Variants in RNLS observed in about 807,000 individuals in gnomAD.
RNLS encodes the protein renalase, FAD dependent amine oxidase, also known as renalase.
A neutral mutation model predicts 39.8 loss-of-function variants in RNLS; 39 were observed. That is an observed-to-expected ratio of 0.98 (90% CI 0.76 to 1.28). The LOEUF is 1.28. RNLS is among the 50% of genes most tolerant of loss of function. The probability of loss-of-function intolerance (pLI) is 0.00; values close to 1 mark genes in which losing one functional copy is unlikely to be tolerated. For missense variants in RNLS, 410 were observed against 413.3 expected, an observed-to-expected ratio of 0.99 and a Z score of 0.07; for synonymous variants, 147 against 150.7, an observed-to-expected ratio of 0.98 and a Z score of 0.18.
intron 5 of RNLS, among the ~76,000 whole-genome samples, chr10:88,329,424 G>GT (rs1333387879): frequency 2.6e-5 from 4 of 151,760 alleles, no homozygotes; most frequent in Admixed American, 6.6e-5. Context: ...TGCTTTTATG[G>GT]TTTTTTCTTT....
chr10:88,184,567 A>G, the RNLS span, among the ~76,000 whole-genome samples: 9 of 152,194 alleles, frequency 5.9e-5, no homozygotes, highest in African/African-American at 2.2e-4. Flanking sequence ...TTAGCCCTCA[A>G]GTTTGCCTAC....
At chr10:88,297,114 G>T (rs1026534220) in intron 6 of RNLS, among the ~76,000 whole-genome samples, 7 of 152,134 alleles carry the variant, frequency 4.6e-5, no homozygotes, top group African/African-American at 1.4e-4. Flanking sequence ...TTGGTTATAG[G>T]TTTTTGTGAG....
intron 6 of RNLS, among the ~76,000 whole-genome samples, chr10:88,276,504 A>G (rs1842820641): frequency 6.6e-6 from 1 of 152,152 alleles, no homozygotes; most frequent in Admixed American, 6.6e-5. Flanking sequence ...AAAACTAAAT[A>G]CCTTGCTAAT....
At chr10:88,566,044 G>A (rs1465814992) in intron 4 of RNLS, among the ~76,000 whole-genome samples, 1 of 151,692 alleles carries the variant, frequency 6.6e-6, no homozygotes, top group East Asian at 1.9e-4. Context: ...ACCGCGCCCG[G>A]CCAATATCAT....
At chr10:88,237,693 G>A in the RNLS span, among the ~76,000 whole-genome samples, 1 of 152,188 alleles carries the variant, frequency 6.6e-6, no homozygotes, top group African/African-American at 2.4e-5. Flanking sequence ...AAGCTTGGCT[G>A]CTATATGGCA....
At chr10:88,177,495 T>C in the RNLS span, among the ~76,000 whole-genome samples, 6 of 152,214 alleles carry the variant, frequency 3.9e-5, no homozygotes, top group Non-Finnish European at 8.8e-5. Context: ...TTTTCCTGAT[T>C]GGGTTGAACT....
At chr10:88,433,391 T>C (rs1027623118) in intron 4 of RNLS, among the ~76,000 whole-genome samples, 2 of 152,082 alleles carry the variant, frequency 1.3e-5, no homozygotes, top group Non-Finnish European at 2.9e-5. Context: ...GGTTTCATCA[T>C]TTGATCACTT....
the RNLS span, among the ~76,000 whole-genome samples, chr10:88,175,337 A>G: frequency 8.7e-4 from 133 of 152,012 alleles, no homozygotes; most frequent in African/African-American, 3.0e-3. Context: ...GTGCACTGTT[A>G]GGTTGTTTAT....
chr10:88,344,907 T>C (rs535176869), intron 5 of RNLS, among the ~76,000 whole-genome samples: 1 of 152,290 alleles, frequency 6.6e-6, no homozygotes, highest in African/African-American at 2.4e-5. Context: ...TGCTTAATAT[T>C]CATTCATATT....
At chr10:88,389,817 G>C (rs1055316812) in intron 4 of RNLS, among the ~76,000 whole-genome samples, 2 of 152,146 alleles carry the variant, frequency 1.3e-5, no homozygotes, top group Non-Finnish European at 2.9e-5. Context: ...ACAGATTCAG[G>C]GATAGGGCAT....
chr10:88,496,298 A>G (rs1845170294), intron 4 of RNLS, among the ~76,000 whole-genome samples: 1 of 152,172 alleles, frequency 6.6e-6, no homozygotes, highest in Non-Finnish European at 1.5e-5. Context: ...GGGTTCCCTC[A>G]GGGGATTATA....
At chr10:88,484,192 G>T (rs1243309228) in intron 4 of RNLS, among the ~76,000 whole-genome samples, 1 of 151,998 alleles carries the variant, frequency 6.6e-6, no homozygotes, top group African/African-American at 2.4e-5. Context: ...TTTAGTAATA[G>T]CTTATTTTAA....
chr10:88,217,873 CT>C, the RNLS span, among the ~76,000 whole-genome samples: 1 of 151,858 alleles, frequency 6.6e-6, no homozygotes, highest in Non-Finnish European at 1.5e-5. Context: ...AAACCCATCT[CT>C]ACTAAAAATA....
intron 4 of RNLS, among the ~76,000 whole-genome samples, chr10:88,428,661 G>A (rs558204174): frequency 1.9e-4 from 29 of 152,088 alleles, no homozygotes; most frequent in African/African-American, 6.3e-4. Context: ...TACCCCTGGG[G>A]TATGTGGCTA....
chr10:88,270,202 C>T (rs368426623), downstream of RNLS, among the ~76,000 whole-genome samples: 1 of 152,140 alleles, frequency 6.6e-6, no homozygotes, highest in East Asian at 1.9e-4. Flanking sequence ...CTCCGTTGAT[C>T]GACCTTTGTA....
chr10:88,381,089 A>T (rs1283495670), intron 4 of RNLS, among the ~76,000 whole-genome samples: 1 of 152,120 alleles, frequency 6.6e-6, no homozygotes, highest in Admixed American at 6.5e-5. Flanking sequence ...GTATAGTCTA[A>T]TTTTTCTTCC....
chr10:88,575,907 G>A (rs556439241), intron 3 of RNLS, among the ~76,000 whole-genome samples: 18 of 152,068 alleles, frequency 1.2e-4, no homozygotes, highest in Middle Eastern at 3.4e-3. Flanking sequence ...ACTCACTACC[G>A]TCCAGTCATA....
At chr10:88,194,936 G>A in the RNLS span, among the ~76,000 whole-genome samples, 1 of 152,098 alleles carries the variant, frequency 6.6e-6, no homozygotes, top group Admixed American at 6.5e-5. Flanking sequence ...TTTAGCTTAA[G>A]TGCTTCCTAA....
At chr10:88,532,657 G>A (rs568111361) in intron 4 of RNLS, among the ~76,000 whole-genome samples, 3 of 152,050 alleles carry the variant, frequency 2.0e-5, no homozygotes, top group South Asian at 2.1e-4. Flanking sequence ...TTAAACCATC[G>A]TAAATTCTAT....
Sources: allele counts gnomAD v4.1 joint callset (sites outside exome capture counted in the v4.1 genomes callset), GRCh38; gene constraint gnomAD v4.1.1; transcripts MANE v1.5; gene names NCBI Gene and HGNC (gene_info 2026-07-23, HGNC 2026-07-21).